Variants in TUBA1C observed in about 807,000 individuals in gnomAD.
TUBA1C encodes the protein tubulin alpha-1C chain.
In TUBA1C, 16 loss-of-function variants were observed where a neutral mutation model predicts 34.9. That is an observed-to-expected ratio of 0.46 (90% CI 0.31 to 0.70). The LOEUF is 0.70. Ranked by LOEUF, TUBA1C falls within the 30% of genes least tolerant of loss-of-function variation. The pLI is 0.05. For missense variants in TUBA1C, 329 were observed against 587.3 expected, an observed-to-expected ratio of 0.56 and a Z score of 4.55; for synonymous variants, 177 against 215.9, an observed-to-expected ratio of 0.82 and a Z score of 1.58.
intron 1 of TUBA1C, among the ~76,000 whole-genome samples, chr12:49,239,660 A>AT (rs574054786): frequency 1.3e-3 from 196 of 151,186 alleles, no homozygotes; most frequent in Admixed American, 2.2e-3. Flanking sequence ...AAAAAAAAAA[A>AT]GAAATAAATT....
At chr12:49,241,870 G>C (rs781021376) in intron 1 of TUBA1C, among the ~76,000 whole-genome samples, 5 of 151,700 alleles carry the variant, frequency 3.3e-5, no homozygotes, top group African/African-American at 9.7e-5. Context: ...GGCTGGTCAC[G>C]AACTCCTGAG....
chr12:49,267,926 A>C (rs940022312), intron 1 of TUBA1C, among the ~76,000 whole-genome samples: 2 of 152,208 alleles, frequency 1.3e-5, no homozygotes, highest in African/African-American at 4.8e-5. Flanking sequence ...ATGAAATGCC[A>C]AACACCCTTT....
intron 1 of TUBA1C, among the ~76,000 whole-genome samples, chr12:49,267,235 A>G (rs1942926581): frequency 6.6e-6 from 1 of 152,402 alleles, no homozygotes; most frequent in South Asian, 2.1e-4. Flanking sequence ...GCATTTAAAC[A>G]GAAGAAGCAT....
At chr12:49,266,262 A>G (rs1175332264) in intron 1 of TUBA1C, among the ~76,000 whole-genome samples, 2 of 90,886 alleles carry the variant, frequency 2.2e-5, no homozygotes, top group Non-Finnish European at 2.3e-5. Context: ...CGTCTCTACT[A>G]AAAAAAAAAA....
chr12:49,248,302 G>T (rs983286722), intron 1 of TUBA1C, among the ~76,000 whole-genome samples: 9 of 151,850 alleles, frequency 5.9e-5, no homozygotes, highest in Non-Finnish European at 1.0e-4. Context: ...AAAGAAAGTG[G>T]CTCACACCCA....
At chr12:49,267,555 A>T (rs142537714) in intron 1 of TUBA1C, among the ~76,000 whole-genome samples, 56 of 152,360 alleles carry the variant, frequency 3.7e-4, no homozygotes, top group African/African-American at 1.1e-3. Flanking sequence ...GCTACTTGGG[A>T]GGCTGAGGCA....
At chr12:49,269,789 T>G in intron 2 of TUBA1C, 39 bp from the exon 3 acceptor site, 3 of 1,609,960 alleles carry the variant, frequency 1.9e-6, no homozygotes, top group Non-Finnish European at 2.5e-6. Flanking sequence ...CCCTCCCCGC[T>G]CCTTGTCCCT....
intron 1 of TUBA1C, among the ~76,000 whole-genome samples, chr12:49,266,858 T>G (rs1942921358): frequency 6.6e-6 from 1 of 152,088 alleles, no homozygotes; most frequent in Admixed American, 6.6e-5. Context: ...TGAATTTAAA[T>G]ATAAAAATCA....
chr12:49,270,547 T>C (rs1407156489), intron 3 of TUBA1C, among the ~76,000 whole-genome samples: 3 of 152,218 alleles, frequency 2.0e-5, no homozygotes, highest in African/African-American at 7.2e-5. Context: ...GAGTAACTTG[T>C]CAAGAAAATC....
intron 1 of TUBA1C, among the ~76,000 whole-genome samples, chr12:49,253,782 C>T (rs532822764): frequency 6.6e-6 from 1 of 152,274 alleles, no homozygotes; most frequent in Admixed American, 6.5e-5. Context: ...CCTGCTTCTG[C>T]CTCCCAAAGT....
chr12:49,258,459 G>A (rs780524525), intron 1 of TUBA1C, among the ~76,000 whole-genome samples: 1 of 151,598 alleles, frequency 6.6e-6, no homozygotes, highest in Non-Finnish European at 1.5e-5. Context: ...AGACAGTCTC[G>A]CTCTATTGCC....
intron 1 of TUBA1C, among the ~76,000 whole-genome samples, chr12:49,229,546 CT>C (rs1159005254): frequency 6.6e-6 from 1 of 152,132 alleles, no homozygotes; most frequent in Non-Finnish European, 1.5e-5. Context: ...AATAAATTAT[CT>C]TGTAAAAAGA....
chr12:49,263,080 G>C (rs1003707021), upstream of TUBA1C, among the ~76,000 whole-genome samples: 7 of 139,854 alleles, frequency 5.0e-5, no homozygotes, highest in African/African-American at 1.9e-4. Context: ...CTGGAGTACA[G>C]TGGCACGATC....
chr12:49,268,369 G>T (rs1284091287), intron 1 of TUBA1C, among the ~76,000 whole-genome samples: 1 of 151,776 alleles, frequency 6.6e-6, no homozygotes, highest in Non-Finnish European at 1.5e-5. Context: ...AAAGTCCTGG[G>T]ATTACAGGCA....
intron 1 of TUBA1C, among the ~76,000 whole-genome samples, chr12:49,239,632 CTCTG>C (rs1374615273): frequency 3.3e-5 from 5 of 149,720 alleles, no homozygotes; most frequent in African/African-American, 1.2e-4. Context: ...CAGAGTAAGA[CTCTG>C]TCTCAAAAAG....
At chr12:49,240,970 C>T (rs765507353) in intron 1 of TUBA1C, among the ~76,000 whole-genome samples, 14 of 152,002 alleles carry the variant, frequency 9.2e-5, no homozygotes, top group Admixed American at 2.6e-4. Flanking sequence ...GGCGAGATCT[C>T]AGCTTACTGT....
chr12:49,235,131 A>T (rs868241951), intron 1 of TUBA1C, among the ~76,000 whole-genome samples: 21 of 151,824 alleles, frequency 1.4e-4, no homozygotes, highest in African/African-American at 5.1e-4. Context: ...AAAAAAAAAA[A>T]TTAATTTGGG....
intron 1 of TUBA1C, among the ~76,000 whole-genome samples, chr12:49,255,860 C>G (rs1215825451): frequency 6.6e-6 from 1 of 152,238 alleles, no homozygotes; most frequent in African/African-American, 2.4e-5. Flanking sequence ...GCCACCACGC[C>G]CAGCCAGATT....
chr12:49,254,746 C>T (rs188079407), intron 1 of TUBA1C, among the ~76,000 whole-genome samples: 76 of 152,052 alleles, frequency 5.0e-4, no homozygotes, highest in African/African-American at 1.8e-3. Context: ...TTCTCCCCTC[C>T]CTGGAGGATG....
Sources: gnomAD v4.1 joint callset for allele counts (sites outside exome capture counted in the v4.1 genomes callset) on GRCh38, gnomAD v4.1.1 for gene constraint, MANE v1.5 for transcripts, NCBI Gene and HGNC (gene_info 2026-07-23, HGNC 2026-07-21) for gene names.